The following TBC1D9 variants were observed in gnomAD, a reference collection of about 807,000 sequenced individuals.
TBC1D9 encodes TBC1 domain family member 9, also known as TBC1 domain family member 9A.
A neutral mutation model predicts 132.0 loss-of-function variants in TBC1D9; 63 were observed. The ratio of observed to expected loss-of-function variants is 0.48; its 90% CI spans 0.39 to 0.59. The LOEUF (loss-of-function observed/expected upper bound fraction) is 0.59, where lower values mean the gene tolerates loss of function less well. Among genes scored for constraint, TBC1D9 ranks in the 20% least tolerant of loss-of-function variants. The probability of loss-of-function intolerance (pLI) is 0.00; values close to 1 mark genes in which losing one functional copy is unlikely to be tolerated. For synonymous variants in TBC1D9, 610 were observed against 609.9 expected (o/e 1.00, Z 0.00); for missense variants, 1,261 against 1,592.7 (o/e 0.79, Z 3.54).
chr4:140,625,562 T>C, intron 18 of TBC1D9, among the ~76,000 whole-genome samples: 1 of 152,182 alleles, frequency 6.6e-6, no homozygotes, highest in East Asian at 1.9e-4. Context: ...CAGTAGCTTT[T>C]AAGACACAGT....
At chr4:140,751,828 A>G (rs1738929190) in intron 1 of TBC1D9, among the ~76,000 whole-genome samples, 1 of 152,260 alleles carries the variant, frequency 6.6e-6, no homozygotes, top group African/African-American at 2.4e-5. Flanking sequence ...AAACATATGG[A>G]AAAATGCTCA....
At chr4:140,752,511 C>T (rs1354215074) in intron 1 of TBC1D9, among the ~76,000 whole-genome samples, 1 of 151,900 alleles carries the variant, frequency 6.6e-6, no homozygotes, top group Non-Finnish European at 1.5e-5. Context: ...CACAAGGGGG[C>T]TTTTGGCACA....
At chr4:140,631,008 A>G (rs1236300131) in intron 16 of TBC1D9, among the ~76,000 whole-genome samples, 1 of 152,200 alleles carries the variant, frequency 6.6e-6, no homozygotes, top group Non-Finnish European at 1.5e-5. Context: ...CTCAGTTGAA[A>G]TGAACTTATT....
intron 5 of TBC1D9, 145 bp from the exon 6 acceptor site, chr4:140,677,246 AG>A: frequency 1.2e-6 from 1 of 864,414 alleles, no homozygotes. Context: ...TTTATATTGA[AG>A]TTAACCCCAA....
At chr4:140,730,096 CTT>C (rs554650347) in intron 1 of TBC1D9, among the ~76,000 whole-genome samples, 4 of 152,282 alleles carry the variant, frequency 2.6e-5, no homozygotes, top group Non-Finnish European at 5.9e-5. Flanking sequence ...TTATGTGTCT[CTT>C]TGTGTAACTT....
chr4:140,637,644 G>A (rs138984817), intron 15 of TBC1D9, among the ~76,000 whole-genome samples: 3 of 152,172 alleles, frequency 2.0e-5, no homozygotes, highest in Non-Finnish European at 1.5e-5. Context: ...CCTGCCTTAC[G>A]GATCTCCAAC....
intron 13 of TBC1D9, among the ~76,000 whole-genome samples, chr4:140,649,897 C>A (rs1352600541): frequency 6.6e-6 from 1 of 152,102 alleles, no homozygotes; most frequent in Non-Finnish European, 1.5e-5. Flanking sequence ...TCAGGGAACA[C>A]CCTCATAACT....
chr4:140,648,727 C>A (rs910708216), intron 13 of TBC1D9, among the ~76,000 whole-genome samples: 1 of 152,138 alleles, frequency 6.6e-6, no homozygotes, highest in Non-Finnish European at 1.5e-5. Context: ...CTTTTTGTTG[C>A]TTTGCCCCTG....
At chr4:140,753,838 C>T (rs1738962118) in intron 1 of TBC1D9, among the ~76,000 whole-genome samples, 1 of 152,166 alleles carries the variant, frequency 6.6e-6, no homozygotes, top group African/African-American at 2.4e-5. Flanking sequence ...AATGAATGAA[C>T]TTACATTAGA....
intron 1 of TBC1D9, among the ~76,000 whole-genome samples, chr4:140,750,464 T>C (rs1182903678): frequency 6.6e-6 from 1 of 151,872 alleles, no homozygotes; most frequent in African/African-American, 2.4e-5. Flanking sequence ...TACAGGTGAA[T>C]ATATAAAACA....
At chr4:140,729,182 A>G (rs1250888810) in intron 1 of TBC1D9, among the ~76,000 whole-genome samples, 2 of 152,196 alleles carry the variant, frequency 1.3e-5, no homozygotes, top group Admixed American at 6.5e-5. Context: ...CACGTTTCCC[A>G]TAACGACAGG....
In TBC1D9 at chr4:140,669,019, A is replaced by G; in HGVS notation, c.1486T>C (p.Tyr496His). The G allele has an allele frequency of 6.2e-7, 1 of 1,613,962 alleles. No homozygotes were observed. The highest frequency in any genetic ancestry group is 8.5e-7 in the Non-Finnish European group (1 of 1,179,884). Reference protein sequence around the residue: ...EQAWKIHFAEYGQGICMYRTE... With the variant: ...EQAWKIHFAEHGQGICMYRTE... ...CGGTACATGCAGATCCCTTGCCCATACTCAGCAAAGTGAATCTTCCAGGCT... is the reference window on the plus strand; with the variant it reads ...CGGTACATGCAGATCCCTTGCCCATGCTCAGCAAAGTGAATCTTCCAGGCT... The change falls in exon 9 of 21, where the codon TAT becomes CAT. Residue 496 changes from tyrosine to histidine, a missense_variant. Tyr to His is a moderately conservative substitution (Grantham distance 83, BLOSUM62 2). Coordinates refer to ENST00000442267, the MANE Select transcript of TBC1D9 (RefSeq NM_015130.3).
chr4:140,645,255 C>T, intron 13 of TBC1D9: 1 of 528,856 alleles, frequency 1.9e-6, no homozygotes, highest in Non-Finnish European at 3.8e-6. Flanking sequence ...CAGTCCTCAT[C>T]TGCTTGGCTG....
intron 16 of TBC1D9, among the ~76,000 whole-genome samples, chr4:140,632,974 T>G (rs1736821376): frequency 6.6e-6 from 1 of 152,252 alleles, no homozygotes; most frequent in South Asian, 2.1e-4. Context: ...TCCCCTCTTT[T>G]AAGCGTATAG....
chr4:140,696,575 T>G (rs1279813839), intron 2 of TBC1D9, among the ~76,000 whole-genome samples: 1 of 150,592 alleles, frequency 6.6e-6, no homozygotes, highest in Non-Finnish European at 1.5e-5. Context: ...GAGGGCCAGG[T>G]GCTTATTACA....
chr4:140,659,935 T>C (rs1467525659), intron 10 of TBC1D9, among the ~76,000 whole-genome samples: 3 of 152,212 alleles, frequency 2.0e-5, no homozygotes, highest in African/African-American at 7.2e-5. Flanking sequence ...CTTGAACCAG[T>C]AAGTGTGCAG....
At chr4:140,752,983 A>T (rs1208768358) in intron 1 of TBC1D9, among the ~76,000 whole-genome samples, 1 of 152,152 alleles carries the variant, frequency 6.6e-6, no homozygotes, top group Non-Finnish European at 1.5e-5. Context: ...GATCTTCCAG[A>T]AAATCTCCAA....
intron 13 of TBC1D9, among the ~76,000 whole-genome samples, chr4:140,646,162 G>T (rs1476790413): frequency 2.0e-5 from 3 of 152,168 alleles, no homozygotes; most frequent in African/African-American, 7.2e-5. Flanking sequence ...GATCATTCCA[G>T]GAAGTAAGTG....
At position 140,669,796 on chromosome 4, in the gene TBC1D9, A is replaced by G. The variant is rs1737507525; in HGVS notation, c.1275T>C (p.Ser425=). Residue 425 remains serine (S), a synonymous_variant, in exon 8 of 21, where the codon TCT becomes TCC. Transcript: ENST00000442267. ...SYNSSDDEVY[S]RPSSLVSSSP... ...TGGAGGAGACGAGGCTGCTGGGTCG[A>G]GAGTACACCTGTCAATACAGAGAGG... 1 of 1,613,296 alleles carries G rather than the reference A, an allele frequency of 6.2e-7. No individual in the cohort carries two copies. The highest frequency in any genetic ancestry group is 1.1e-5 in the South Asian group (1 of 91,050).
Sources: gnomAD v4.1 joint callset for allele counts (sites outside exome capture counted in the v4.1 genomes callset) on GRCh38, gnomAD v4.1.1 for gene constraint, MANE v1.5 for transcripts, NCBI Gene and HGNC (gene_info 2026-07-23, HGNC 2026-07-21) for gene names.